Variants in APLF observed in about 807,000 individuals in gnomAD.
APLF encodes aprataxin and PNK-like factor.
Under a neutral mutation model 55.6 loss-of-function variants are expected in APLF, and 61 were observed. That is an observed-to-expected ratio of 1.10 (90% CI 0.89 to 1.36). The LOEUF (loss-of-function observed/expected upper bound fraction) is 1.36. Ranked by LOEUF, APLF falls within the 40% of genes most tolerant of loss-of-function variation. The pLI is 0.00. For synonymous variants in APLF, 207 were observed against 214.8 expected (o/e 0.96, Z 0.32); for missense variants, 611 against 602.5 (o/e 1.01, Z -0.15).
chr2:68,514,927 C>T (rs1669536736), intron 5 of APLF, among the ~76,000 whole-genome samples: 1 of 151,734 alleles, frequency 6.6e-6, no homozygotes, highest in Non-Finnish European at 1.5e-5. Flanking sequence ...GCAGTAATTA[C>T]TTTAGTTATG....
In APLF at chr2:68,469,015, T is replaced by TGC. The variant is rs1388529815; in HGVS notation, c.96+1189_96+1190insCG. Among the ~76,000 whole-genome samples the TGC allele has an allele frequency of 7.1e-5, 10 of 140,624 alleles. No homozygotes were observed. The East Asian group carries it at 2.0e-3, about 28-fold the overall frequency. 92.3% of individuals were successfully genotyped at this position (140,624 alleles called of 152,430 possible). On this transcript the variant is annotated intron_variant, in intron 1 of 9. Coordinates refer to ENST00000303795, the MANE Select transcript of APLF (RefSeq NM_173545.3). ...GTGTGTGTGTGTGTGTGTGTGTGTGTGTGTGTTGTGTGTTGTGTGTTGTGT... is the reference window on the plus strand; with the variant it reads ...GTGTGTGTGTGTGTGTGTGTGTGTGTGCGTGTGTTGTGTGTTGTGTGTTGTGT...
intron 8 of APLF, among the ~76,000 whole-genome samples, chr2:68,565,514 G>GATACATACATACATAC (rs372500629): frequency 2.7e-5 from 4 of 148,922 alleles, no homozygotes; most frequent in South Asian, 4.2e-4. Flanking sequence ...TAGACAGATA[G>GATACATACATACATAC]ATACATACAT....
chr2:68,561,567 A>G (rs1671168338), intron 8 of APLF, among the ~76,000 whole-genome samples: 1 of 152,092 alleles, frequency 6.6e-6, no homozygotes, highest in Non-Finnish European at 1.5e-5. Flanking sequence ...TGATTGCAAT[A>G]GAGTCTGATT....
intron 2 of APLF, among the ~76,000 whole-genome samples, chr2:68,501,095 G>A (rs1350701887): frequency 3.9e-5 from 6 of 151,968 alleles, no homozygotes; most frequent in Admixed American, 3.3e-4. Context: ...TAAAATAATG[G>A]CCGACCAAAT....
chr2:68,570,138 C>T (rs1439174157), intron 9 of APLF, among the ~76,000 whole-genome samples: 1 of 151,864 alleles, frequency 6.6e-6, no homozygotes. Flanking sequence ...AGGTTGGACT[C>T]CTGTCATTTG....
chr2:68,505,393 T>C (rs1676845724), intron 3 of APLF, among the ~76,000 whole-genome samples: 1 of 152,068 alleles, frequency 6.6e-6, no homozygotes, highest in Non-Finnish European at 1.5e-5. Flanking sequence ...TTGATTCAAA[T>C]TAGCTTATTC....
chr2:68,551,183 C>T (rs182077004), intron 8 of APLF, among the ~76,000 whole-genome samples: 4 of 152,166 alleles, frequency 2.6e-5, no homozygotes, highest in African/African-American at 9.6e-5. Flanking sequence ...ACTCTTGCAT[C>T]CATAGTTTCT....
chr2:68,565,487 A>G (rs1375155463), intron 8 of APLF, among the ~76,000 whole-genome samples: 1 of 150,794 alleles, frequency 6.6e-6, no homozygotes, highest in Non-Finnish European at 1.5e-5. Context: ...GGATGGATGG[A>G]TAGTTAGATA....
At chr2:68,575,574 G>A (rs571537896) in intron 9 of APLF, among the ~76,000 whole-genome samples, 1 of 152,046 alleles carries the variant, frequency 6.6e-6, no homozygotes, top group African/African-American at 2.4e-5. Context: ...TGGGGCCAGG[G>A]CATTAGAGTG....
chr2:68,521,198 CTT>C (rs1203710728), intron 5 of APLF, among the ~76,000 whole-genome samples: 3 of 151,916 alleles, frequency 2.0e-5, no homozygotes, highest in South Asian at 2.1e-4. Context: ...TGTCCTGAAA[CTT>C]TGCTGAGTTC....
chr2:68,493,129 C>T (rs1050794931), intron 2 of APLF, among the ~76,000 whole-genome samples: 13 of 152,122 alleles, frequency 8.5e-5, no homozygotes, highest in African/African-American at 2.7e-4. Flanking sequence ...AAAAAAATTT[C>T]TTCAAGTTAC....
intron 2 of APLF, among the ~76,000 whole-genome samples, chr2:68,491,502 G>C (rs1676358362): frequency 6.6e-6 from 1 of 152,178 alleles, no homozygotes; most frequent in South Asian, 2.1e-4. Flanking sequence ...ACAAAAGTAT[G>C]TTATTCTCTA....
At chr2:68,528,980 A>G in intron 6 of APLF, 1 of 1,523,480 alleles carries the variant, frequency 6.6e-7, no homozygotes, top group Non-Finnish European at 8.8e-7. Context: ...CTGGTCTTTC[A>G]CCTCCGTTGC....
At position 68,524,381 on chromosome 2, in the gene APLF, T is replaced by C. The variant is rs541771224; in HGVS notation, c.623-1680T>C. On this transcript the variant is annotated intron_variant, in intron 5 of 9. Coordinates refer to ENST00000303795, the MANE Select transcript of APLF (RefSeq NM_173545.3). ...ATGAGGGAATGTTATTTCAGGCTAC[T>C]TGAATGTCCTTTAGAACTGGACTAA... Among the ~76,000 whole-genome samples the C allele has an allele frequency of 5.9e-5, 9 of 152,330 alleles. No homozygotes were observed. In the East Asian group the frequency reaches 1.7e-3, roughly 29 times the overall value.
intron 5 of APLF, among the ~76,000 whole-genome samples, chr2:68,518,147 ATAT>A (rs1235586672): frequency 2.5e-4 from 32 of 126,840 alleles, no homozygotes; most frequent in African/African-American, 7.6e-4. Flanking sequence ...ATATAATAAT[ATAT>A]TATTAATGTA....
At chr2:68,541,452 T>A (rs1446370193) in intron 7 of APLF, among the ~76,000 whole-genome samples, 1 of 151,692 alleles carries the variant, frequency 6.6e-6, no homozygotes, top group Non-Finnish European at 1.5e-5. Flanking sequence ...GACAACTCAG[T>A]TAAGAAAAAA....
At chr2:68,518,091 TATATTAATATATAATATATCATATACA>T (rs1669694764) in intron 5 of APLF, among the ~76,000 whole-genome samples, 1 of 132,422 alleles carries the variant, frequency 7.6e-6, no homozygotes, top group African/African-American at 2.8e-5. Context: ...AATATTAATA[TATATTAATATATAATATATCATATACA>T]ATATTAATAT....
chr2:68,551,157 T>C (rs1045492774), intron 8 of APLF, among the ~76,000 whole-genome samples: 1 of 152,124 alleles, frequency 6.6e-6, no homozygotes, highest in Non-Finnish European at 1.5e-5. Flanking sequence ...CTTTTATCAT[T>C]TATGTCATGC....
At chr2:68,515,674 A>T in intron 5 of APLF, 3 of 983,156 alleles carry the variant, frequency 3.1e-6, no homozygotes, top group Non-Finnish European at 3.6e-6. Flanking sequence ...GGAATATCGC[A>T]TGTGTACAAT....
Sources: allele counts gnomAD v4.1 joint callset (sites outside exome capture counted in the v4.1 genomes callset), GRCh38; gene constraint gnomAD v4.1.1; transcripts MANE v1.5; gene names NCBI Gene and HGNC (gene_info 2026-07-23, HGNC 2026-07-21).